Variants in TSHZ2 observed in about 807,000 individuals in gnomAD.
TSHZ2 encodes teashirt homolog 2.
In TSHZ2, 21 loss-of-function variants were observed where a neutral mutation model predicts 74.4. That is an observed-to-expected ratio of 0.28 (90% CI 0.20 to 0.41). The LOEUF (loss-of-function observed/expected upper bound fraction) is 0.41, where lower values mean the gene tolerates loss of function less well. TSHZ2 is among the 10% of genes least tolerant of loss of function. The pLI is 1.00. For synonymous variants in TSHZ2, 540 were observed against 515.3 expected (o/e 1.05, Z -0.65); for missense variants, 1,244 against 1,293.5 (o/e 0.96, Z 0.59).
rs78949671 is a variant in TSHZ2 at position 53,289,653 on chromosome 20, A to G, written c.*8+33082A>G. 1.9e-4 allele frequency among the ~76,000 whole-genome samples: 29 copies of G among 152,256 alleles called. No individual in the cohort carries two copies. In the East Asian group the frequency reaches 5.6e-3, roughly 29 times the overall value. ...TATTCATGTCCTTTGGAGGAAGGCT[A>G]TTTTAGAGACATGGTTTAGGGAAAG... is the stretch of plus-strand genomic sequence containing the variant. On this transcript the variant is annotated intron_variant, in intron 2 of 2. Transcript: ENST00000371497.
At chr20:53,063,094 C>T (rs936682757) in intron 1 of TSHZ2, among the ~76,000 whole-genome samples, 4 of 151,954 alleles carry the variant, frequency 2.6e-5, no homozygotes, top group Admixed American at 2.0e-4. Context: ...ATAGATATAA[C>T]AATAATGAAA....
At chr20:53,289,477 A>AT (rs892792759) in intron 2 of TSHZ2, among the ~76,000 whole-genome samples, 9 of 151,400 alleles carry the variant, frequency 5.9e-5, no homozygotes, top group African/African-American at 9.7e-5. Flanking sequence ...ACCAACATCT[A>AT]TTTTTTTTTA....
intron 1 of TSHZ2, among the ~76,000 whole-genome samples, chr20:53,063,917 G>A (rs16997454): frequency 1.3e-5 from 2 of 152,216 alleles, no homozygotes; most frequent in East Asian, 1.9e-4. Flanking sequence ...ATCTGAACTC[G>A]GTGGGAAATT....
intron 2 of TSHZ2, among the ~76,000 whole-genome samples, chr20:53,284,720 C>T (rs1266501034): frequency 1.3e-5 from 2 of 151,462 alleles, no homozygotes; most frequent in Non-Finnish European, 2.9e-5. Context: ...GCCCGTCCCC[C>T]CCACCCCCAT....
intron 1 of TSHZ2, among the ~76,000 whole-genome samples, chr20:53,209,100 A>AT (rs974402432): frequency 4.2e-4 from 63 of 149,710 alleles, no homozygotes; most frequent in Middle Eastern, 3.4e-3. Flanking sequence ...AAATATGCAC[A>AT]TTTTTTTTTT....
intron 1 of TSHZ2, among the ~76,000 whole-genome samples, chr20:53,050,992 C>G (rs6126740): frequency 0.096 from 14,684 of 152,234 alleles, 1,944 homozygotes; most frequent in African/African-American, 0.29. Context: ...CATTGCAGAT[C>G]TCCAAGTGGG....
chr20:53,234,850 T>C (rs566784797), intron 1 of TSHZ2, among the ~76,000 whole-genome samples: 1 of 152,276 alleles, frequency 6.6e-6, no homozygotes, highest in Middle Eastern at 3.4e-3. Context: ...ACATTGACTT[T>C]TTCTTTGAGT....
chr20:53,254,250 G>A lies in TSHZ2; in HGVS notation c.792G>A (p.Gln264=). 1 of 1,614,130 alleles carries A rather than the reference G, an allele frequency of 6.2e-7. No homozygotes were observed. The highest frequency in any genetic ancestry group is 8.5e-7 in the Non-Finnish European group (1 of 1,180,012). Residue 264 remains glutamine (Q), a synonymous_variant, in exon 2 of 3, where the codon CAG becomes CAA. Transcript: ENST00000371497. The part of the protein sequence containing the change: ...SYSKPRKRAF[Q]DMDKEDAQKV... ...CAAAGCCCAGGAAAAGGGCTTTCCA[G>A]GATATGGACAAAGAGGATGCTCAAA...
chr20:53,081,968 C>CT (rs1210544589), intron 1 of TSHZ2, among the ~76,000 whole-genome samples: 1 of 144,280 alleles, frequency 6.9e-6, no homozygotes, highest in Non-Finnish European at 1.5e-5. Flanking sequence ...TATTTTTGTT[C>CT]TTATTCCCAT....
At chr20:53,201,671 G>A (rs1989009944) in intron 1 of TSHZ2, among the ~76,000 whole-genome samples, 1 of 152,180 alleles carries the variant, frequency 6.6e-6, no homozygotes, top group Non-Finnish European at 1.5e-5. Flanking sequence ...CTGTCACAAG[G>A]GACAAGGGTG....
At chr20:53,474,340 G>A (rs1334252656) in intron 2 of TSHZ2, among the ~76,000 whole-genome samples, 1 of 131,172 alleles carries the variant, frequency 7.6e-6, no homozygotes, top group Non-Finnish European at 1.6e-5. Flanking sequence ...AGAAGAGAGT[G>A]GGGGCCAATA....
At chr20:53,466,576 C>A (rs1238997392) in intron 2 of TSHZ2, among the ~76,000 whole-genome samples, 1 of 152,190 alleles carries the variant, frequency 6.6e-6, no homozygotes, top group Non-Finnish European at 1.5e-5. Context: ...AATTTAAGTG[C>A]TCTTTTGGAG....
At chr20:53,440,457 C>A (rs1324847734) in intron 2 of TSHZ2, among the ~76,000 whole-genome samples, 1 of 152,160 alleles carries the variant, frequency 6.6e-6, no homozygotes, top group Non-Finnish European at 1.5e-5. Context: ...ACATTTCTGT[C>A]GTCCTTAATT....
At position 53,395,927 on chromosome 20, in the gene TSHZ2, C is replaced by T. The variant is rs182307480; in HGVS notation, c.*9-91217C>T. Among the ~76,000 whole-genome samples the T allele has an allele frequency of 5.3e-5, 8 of 151,232 alleles. No individual in the cohort carries two copies. The East Asian group carries it at 1.5e-3, about 29-fold the overall frequency. ...TAGACACACATTGGAAAGTTTTAAGCGTGTTTGTTTGTTTGTTTGTTTGTT... is the reference window on the plus strand; with the variant it reads ...TAGACACACATTGGAAAGTTTTAAGTGTGTTTGTTTGTTTGTTTGTTTGTT... On this transcript the variant is annotated intron_variant, in intron 2 of 2. Coordinates refer to ENST00000371497, the MANE Select transcript of TSHZ2 (RefSeq NM_173485.6).
At chr20:53,098,572 AT>A (rs549577961) in intron 1 of TSHZ2, among the ~76,000 whole-genome samples, 6 of 152,272 alleles carry the variant, frequency 3.9e-5, no homozygotes, top group African/African-American at 7.2e-5. Flanking sequence ...AATGTGTAGA[AT>A]TTTTTTGGTC....
At chr20:53,400,816 G>T (rs547220700) in intron 2 of TSHZ2, among the ~76,000 whole-genome samples, 2 of 152,112 alleles carry the variant, frequency 1.3e-5, no homozygotes, top group African/African-American at 4.8e-5. Flanking sequence ...AGTCCAGGAC[G>T]GAGCAAAACA....
chr20:53,099,877 C>T lies in TSHZ2; in HGVS notation c.40+126544C>T, dbSNP rs142822642. Among the ~76,000 whole-genome samples the T allele has an allele frequency of 5.5e-4, 84 of 152,248 alleles. No individual in the cohort carries two copies. In the East Asian group the frequency reaches 0.016, roughly 28 times the overall value. ...GAGGAGATTTGGGTGGGGACACAGC[C>T]AAACCATATCACTTATTTATTGTTA... On this transcript the variant is annotated intron_variant, in intron 1 of 2. Transcript: ENST00000371497.
intron 1 of TSHZ2, among the ~76,000 whole-genome samples, chr20:53,021,203 G>C (rs1983233957): frequency 6.6e-6 from 1 of 152,146 alleles, no homozygotes; most frequent in Non-Finnish European, 1.5e-5. Context: ...AATGGTTTTA[G>C]GACAATAACT....
At chr20:53,235,144 G>C (rs1353728615) in intron 1 of TSHZ2, among the ~76,000 whole-genome samples, 13 of 133,190 alleles carry the variant, frequency 9.8e-5, no homozygotes, top group African/African-American at 5.3e-5. Context: ...GGGCGGGGGG[G>C]GGGGAATGGG....
Sources: gnomAD v4.1 joint callset for allele counts (sites outside exome capture counted in the v4.1 genomes callset) on GRCh38, gnomAD v4.1.1 for gene constraint, MANE v1.5 for transcripts, NCBI Gene and HGNC (gene_info 2026-07-23, HGNC 2026-07-21) for gene names.